The following KIF7 variants were observed in gnomAD, a reference collection of about 807,000 sequenced individuals.
KIF7 encodes kinesin-like protein KIF7.
In KIF7, 104 loss-of-function variants were observed where a neutral mutation model predicts 135.7. That is an observed-to-expected ratio of 0.77 (90% CI 0.65 to 0.90). KIF7 has a LOEUF of 0.90. Among genes scored for constraint, KIF7 ranks in the 40% least tolerant of loss-of-function variants. The pLI is 0.00. For missense variants in KIF7, 2,005 were observed against 1,839.1 expected, an observed-to-expected ratio of 1.09 and a Z score of -1.65; for synonymous variants, 883 against 809.4, an observed-to-expected ratio of 1.09 and a Z score of -1.54.
intron 11 of KIF7, among the ~76,000 whole-genome samples, chr15:89,640,206 TG>T (rs1212437943): frequency 6.6e-6 from 1 of 152,012 alleles, no homozygotes; most frequent in Non-Finnish European, 1.5e-5. Flanking sequence ...GACGAGTTAG[TG>T]GGTGCAGCGC....
intron 1 of KIF7, chr15:89,619,732 G>T (rs779953659): frequency 1.2e-6 from 2 of 1,612,724 alleles, no homozygotes; most frequent in Admixed American, 3.4e-5. Flanking sequence ...CGAAGTCCTC[G>T]AATCAAGCAG....
chr15:89,658,930 A>G (rs1056156923), upstream of KIF7, among the ~76,000 whole-genome samples: 8 of 152,174 alleles, frequency 5.3e-5, no homozygotes, highest in African/African-American at 9.6e-5. Flanking sequence ...GAAAATCATC[A>G]TGGCAAATAT....
At chr15:89,633,377 G>A in intron 12 of KIF7, 111 bp from the exon 13 acceptor site, 2 of 1,398,828 alleles carry the variant, frequency 1.4e-6, no homozygotes, top group Non-Finnish European at 2.0e-6. Context: ...AGAGGGCCCT[G>A]CGAAGTGTCC....
rs1381354317 is a variant in KIF7 at position 89,633,152 on chromosome 15, C to G, written c.2707G>C (p.Glu903Gln). Residue 903 changes from glutamate (E) to glutamine (Q), a missense_variant, in exon 13 of 19, where the codon GAA becomes CAA. Coordinates refer to ENST00000394412, the MANE Select transcript of KIF7 (RefSeq NM_198525.3). ...SGSNGSVVSL[E>Q]QQQKIEEQKK... ...CAGCCTGGCCCCACCTGCTGCTGTT[C>G]CAGGCTGACCACAGAGCCGTTGCTG... 1.2e-6 allele frequency: 2 copies of G among 1,603,324 alleles called. No homozygotes were observed. Among genetic ancestry groups the G allele is most frequent in the Admixed American group, 1.7e-5 (1 of 59,966 alleles).
chr15:89,633,702 C>T lies in KIF7; in HGVS notation c.2576G>A (p.Arg859Gln), dbSNP rs753215849. The change falls in exon 12 of 19, where the codon CGG (arginine) becomes CAG (glutamine). Residue 859 changes from arginine to glutamine, a missense_variant. Physicochemically the swap from Arg to Gln is conservative, Grantham distance 43. Coordinates refer to ENST00000394412, the MANE Select transcript of KIF7 (RefSeq NM_198525.3). ...KRRLEAEMSK[R>Q]QHRVKELELK... is the part of the protein sequence containing the mutation. ...GAGCCTGACCTTGACGCGGTGCTGC[C>T]GCTTGCTCATTTCTGCCTCCAGGCG... is the stretch of plus-strand genomic sequence containing the variant. The T allele has an allele frequency of 2.4e-5, 39 of 1,607,594 alleles. No homozygotes were observed. Among genetic ancestry groups the T allele is most frequent in the African/African-American group, 5.3e-5 (4 of 74,892 alleles).
intron 15 of KIF7, 81 bp from the exon 16 acceptor site, chr15:89,630,574 C>G (rs991166275): frequency 9.1e-6 from 11 of 1,207,370 alleles, no homozygotes; most frequent in Non-Finnish European, 9.4e-6. Context: ...ACAGCCAACA[C>G]GTAGCCACAA....
upstream of KIF7, among the ~76,000 whole-genome samples, chr15:89,658,969 G>A (rs560335055): frequency 5.9e-5 from 9 of 152,216 alleles, no homozygotes; most frequent in East Asian, 1.7e-3. Flanking sequence ...ATACCTTCAT[G>A]GTAGGGGAGA....
chr15:89,649,419 A>T, intron 3 of KIF7, 52 bp from the exon 4 acceptor site: 8 of 1,440,092 alleles, frequency 5.6e-6, no homozygotes, highest in Non-Finnish European at 6.4e-6. Flanking sequence ...CAGACTGACC[A>T]GCCAGGAGGG....
intron 14 of KIF7, among the ~76,000 whole-genome samples, chr15:89,632,363 C>T (rs1267120101): frequency 6.6e-6 from 1 of 152,172 alleles, no homozygotes; most frequent in South Asian, 2.1e-4. Context: ...AGTAATGATG[C>T]CAGGCGGAGA....
chr15:89,631,592 C>A lies in KIF7; in HGVS notation c.3014G>T (p.Gly1005Val). The change falls in exon 15 of 19, where the codon GGG becomes GTG. Residue 1005 changes from glycine to valine, a missense_variant. Transcript: ENST00000394412. The part of the protein sequence containing the change: ...GSAQSQQQIR[G>V]EIDSLRQEKD... ...CTCCTGGCGCAGGCTGTCGATCTCC[C>A]CGCGGATCTGCTGCTGGCTCTGGGC... 1.3e-6 allele frequency: 2 copies of A among 1,564,718 alleles called. No individual in the cohort carries two copies. The highest frequency in any genetic ancestry group is 1.2e-5 in the South Asian group (1 of 85,326).
In KIF7 at chr15:89,628,795, G is replaced by A; in HGVS notation, c.3665-9C>T. The A allele has an allele frequency of 1.2e-6, 2 of 1,611,680 alleles. No homozygotes were observed. Among genetic ancestry groups the A allele is most frequent in the East Asian group, 2.2e-5 (1 of 44,822 alleles). On this transcript the variant is annotated splice_polypyrimidine_tract_variant and intron_variant, in intron 18 of 18. Transcript: ENST00000394412. ...GCTCCTCTTCTCCCCACCTGTCATG[G>A]AGAGTAACGTGTCCTCATCAGAAAC...
At chr15:89,644,240 C>G (rs1963970639) in intron 10 of KIF7, among the ~76,000 whole-genome samples, 1 of 152,108 alleles carries the variant, frequency 6.6e-6, no homozygotes, top group Non-Finnish European at 1.5e-5. Flanking sequence ...TACCCCGTGT[C>G]CCCTCCTTCA....
intron 2 of KIF7, chr15:89,617,940 C>A: frequency 5.2e-6 from 3 of 582,296 alleles, no homozygotes; most frequent in Non-Finnish European, 9.2e-6. Context: ...GATCCGCCCG[C>A]CTTAGCCTCC....
intron 10 of KIF7, among the ~76,000 whole-genome samples, chr15:89,643,361 T>C (rs1963955706): frequency 6.6e-6 from 1 of 152,214 alleles, no homozygotes; most frequent in African/African-American, 2.4e-5. Flanking sequence ...TTTAAAGTGA[T>C]TTAAAGGAAG....
At chr15:89,646,371 G>A (rs1296975193) in intron 7 of KIF7, among the ~76,000 whole-genome samples, 3 of 152,148 alleles carry the variant, frequency 2.0e-5, no homozygotes, top group Admixed American at 6.5e-5. Flanking sequence ...AGCTTTGAGA[G>A]CTGAGATGAC....
intron 7 of KIF7, 124 bp downstream of exon 7, chr15:89,646,706 G>A (rs1181412683): frequency 7.9e-6 from 7 of 883,654 alleles, no homozygotes; most frequent in South Asian, 1.4e-5. Context: ...GCAGCCTCTC[G>A]CATCTCACAG....
At chr15:89,625,831 T>C (rs763958039), downstream of KIF7, 1 of 1,562,358 alleles carries the variant, frequency 6.4e-7, no homozygotes. Context: ...TTTCTTTTGG[T>C]CAGAGTGCTT....
Position 89,645,363 on chromosome 15 carries a change from ACTC to A in KIF7, c.2008_2010del (p.Glu670del). The A allele has an allele frequency of 5.0e-6, 8 of 1,613,780 alleles. No individual in the cohort carries two copies. Among genetic ancestry groups the A allele is most frequent in the Non-Finnish European group, 6.8e-6 (8 of 1,179,884 alleles). On this transcript the variant is annotated inframe_deletion, in exon 9 of 19. Transcript: ENST00000394412. The stretch of plus-strand genomic sequence containing the variant: ...CTGGACCCTGGAATGGCTGCATCCA[ACTC>A]CTCAAGGCAAAGCTCTGGGCCCTTC...
At chr15:89,631,847 A>G (rs781036342) in intron 14 of KIF7, 137 bp from the exon 15 acceptor site, 4 of 749,156 alleles carry the variant, frequency 5.3e-6, no homozygotes, top group Non-Finnish European at 8.5e-6. Flanking sequence ...CTCAGCAGGG[A>G]GACCAGACTT....
Sources: allele counts gnomAD v4.1 joint callset (sites outside exome capture counted in the v4.1 genomes callset), GRCh38; gene constraint gnomAD v4.1.1; transcripts MANE v1.5; gene names NCBI Gene and HGNC (gene_info 2026-07-23, HGNC 2026-07-21).